The following TBC1D9 variants were observed in gnomAD, a reference collection of about 807,000 sequenced individuals.
The protein encoded by TBC1D9 is TBC1 domain family member 9A.
TBC1D9 carries 63 observed loss-of-function variants against 132.0 expected under a neutral mutation model. The ratio of observed to expected loss-of-function variants is 0.48; its 90% CI spans 0.39 to 0.59. The LOEUF (loss-of-function observed/expected upper bound fraction) is 0.59, where lower values mean the gene tolerates loss of function less well. Among genes scored for constraint, TBC1D9 ranks in the 20% least tolerant of loss-of-function variants. The pLI, the probability that TBC1D9 is intolerant of heterozygous loss-of-function variation, is 0.00. For missense variants in TBC1D9, 1,261 were observed against 1,592.7 expected (o/e 0.79, Z 3.54); for synonymous variants, 610 against 609.9 (o/e 1.00, Z 0.00).
In TBC1D9 at chr4:140,639,094, G is replaced by C; in HGVS notation, c.2497C>G (p.Leu833Val). Reference protein sequence around the residue: ...TIDELEELYALFKAEHLTSCY... With the variant: ...TIDELEELYAVFKAEHLTSCY... ...TTTACCTTGCAACTCACCTTGAAAA[G>C]AGCATAAAGTTCTTCCAGCTCATCA... The change falls in exon 15 of 21, where the codon CTT (leucine) becomes GTT (valine). Residue 833 changes from leucine (L) to valine (V), a missense_variant. By Grantham distance (32) the Leu-to-Val change is conservative. This residue lies in a region of TBC1D9 where 618 missense variants were observed against 724.4 expected (regional missense o/e 0.85). Transcript: ENST00000442267. 6.3e-7 allele frequency: 1 copy of C among 1,589,272 alleles called. No homozygotes were observed. Among genetic ancestry groups the C allele is most frequent in the Non-Finnish European group, 8.6e-7 (1 of 1,166,600 alleles).
intron 3 of TBC1D9, among the ~76,000 whole-genome samples, chr4:140,685,572 T>C (rs960315079): frequency 1.3e-5 from 2 of 152,144 alleles, no homozygotes; most frequent in Non-Finnish European, 1.5e-5. Flanking sequence ...TGCAATGTCT[T>C]CCTAGATAAT....
intron 13 of TBC1D9, 65 bp from the exon 14 acceptor site, chr4:140,639,493 G>T (rs1736945737): frequency 1.8e-6 from 2 of 1,134,776 alleles, no homozygotes; most frequent in Non-Finnish European, 2.6e-6. Context: ...CCTGTCTGCA[G>T]AATGCCTGCA....
chr4:140,693,731 C>T (rs1416915113), intron 2 of TBC1D9, among the ~76,000 whole-genome samples: 1 of 152,226 alleles, frequency 6.6e-6, no homozygotes, highest in Non-Finnish European at 1.5e-5. Flanking sequence ...GCCCAACTAA[C>T]ATACATTTAG....
At chr4:140,647,240 C>A (rs1160028095) in intron 13 of TBC1D9, among the ~76,000 whole-genome samples, 1 of 152,186 alleles carries the variant, frequency 6.6e-6, no homozygotes, top group African/African-American at 2.4e-5. Context: ...TAGACTGCTA[C>A]CTCTGTTTTG....
Position 140,677,078 on chromosome 4 carries a change from C to G in TBC1D9, c.875G>C (p.Ser292Thr). The G allele has an allele frequency of 6.2e-7, 1 of 1,613,908 alleles. No homozygotes were observed. Among genetic ancestry groups the G allele is most frequent in the Non-Finnish European group, 8.5e-7 (1 of 1,179,872 alleles). ...CCGGAAAAGTGCACGGTATCTCTCA[C>G]TCTTTGCCCTGGCATCAAGATCACT... is the stretch of plus-strand genomic sequence containing the variant. The part of the protein sequence containing the change: ...LKRDLDARAK[S>T]ERYRALFRLP... The change falls in exon 6 of 21, where the codon AGT (serine) becomes ACT (threonine). Residue 292 changes from serine to threonine, a missense_variant. Physicochemically the swap from Ser to Thr is moderately conservative, Grantham distance 58 (BLOSUM62 1). Around this residue, in one of 3 missense-constraint regions of TBC1D9, gnomAD observed 550 missense variants for 699.0 expected, o/e 0.79. Transcript: ENST00000442267.
At chr4:140,641,901 G>A (rs966270893) in intron 13 of TBC1D9, 6 of 390,634 alleles carry the variant, frequency 1.5e-5, no homozygotes, top group East Asian at 5.4e-5. Flanking sequence ...TCGCTCACTC[G>A]CAGGCACTCT....
chr4:140,629,183 G>C (rs1204615535), intron 16 of TBC1D9, among the ~76,000 whole-genome samples: 2 of 152,140 alleles, frequency 1.3e-5, no homozygotes, highest in Non-Finnish European at 2.9e-5. Flanking sequence ...CTCAAAGATG[G>C]GGAACTCAAT....
intron 10 of TBC1D9, among the ~76,000 whole-genome samples, chr4:140,660,990 T>C (rs547285599): frequency 6.6e-5 from 10 of 152,060 alleles, no homozygotes; most frequent in African/African-American, 1.7e-4. Context: ...TCTCAGCTCA[T>C]TGCAAGCTCC....
At chr4:140,647,075 CT>C (rs1737114956) in intron 13 of TBC1D9, among the ~76,000 whole-genome samples, 2 of 152,164 alleles carry the variant, frequency 1.3e-5, no homozygotes. Flanking sequence ...TGATGAAGAA[CT>C]GGATTTATTA....
intron 1 of TBC1D9, among the ~76,000 whole-genome samples, chr4:140,709,115 C>T (rs1316425768): frequency 1.3e-5 from 2 of 151,924 alleles, no homozygotes. Context: ...CAACTCTTTC[C>T]TCTCAATTTC....
At chr4:140,722,402 A>G (rs1486594391) in intron 1 of TBC1D9, among the ~76,000 whole-genome samples, 1 of 152,198 alleles carries the variant, frequency 6.6e-6, no homozygotes, top group Non-Finnish European at 1.5e-5. Context: ...TAAAGCCAGC[A>G]CCATAAATAT....
At chr4:140,624,456 T>C (rs1736674837) in intron 18 of TBC1D9, 68 bp from the exon 19 acceptor site, 2 of 1,394,466 alleles carry the variant, frequency 1.4e-6, no homozygotes, top group Non-Finnish European at 2.0e-6. Flanking sequence ...TTAGCATTTG[T>C]AGTGGAAAAT....
At chr4:140,737,095 T>C (rs989189891) in intron 1 of TBC1D9, among the ~76,000 whole-genome samples, 2 of 152,204 alleles carry the variant, frequency 1.3e-5, no homozygotes, top group Non-Finnish European at 2.9e-5. Flanking sequence ...GCCCACAATC[T>C]AGATCCCTTG....
At chr4:140,638,440 G>A (rs1348333922) in intron 15 of TBC1D9, among the ~76,000 whole-genome samples, 1 of 150,984 alleles carries the variant, frequency 6.6e-6, no homozygotes, top group Non-Finnish European at 1.5e-5. Context: ...TTGGGAGGTC[G>A]AGGTGGAGGT....
intron 1 of TBC1D9, among the ~76,000 whole-genome samples, chr4:140,713,915 TG>T (rs1738289727): frequency 6.6e-6 from 1 of 152,210 alleles, no homozygotes; most frequent in South Asian, 2.1e-4. Flanking sequence ...ATAGGATCAA[TG>T]AAACATTAAA....
chr4:140,687,726 G>C (rs2111026804), intron 2 of TBC1D9, among the ~76,000 whole-genome samples: 1 of 152,150 alleles, frequency 6.6e-6, no homozygotes, highest in African/African-American at 2.4e-5. Context: ...AAACCCACAT[G>C]TACTTTCTTT....
intron 13 of TBC1D9, among the ~76,000 whole-genome samples, chr4:140,648,657 A>T (rs978288661): frequency 1.3e-5 from 2 of 152,064 alleles, no homozygotes; most frequent in African/African-American, 4.8e-5. Context: ...AAGTACTGAG[A>T]TTATAGATGT....
chr4:140,670,763 G>T lies in TBC1D9; in HGVS notation c.1223C>A (p.Ser408Tyr). 1 of 1,613,978 alleles carries T rather than the reference G, an allele frequency of 6.2e-7. No individual in the cohort carries two copies. The highest frequency in any genetic ancestry group is 8.5e-7 in the Non-Finnish European group (1 of 1,179,884). ...GTAACTTCCTGCAAACTCCTTGTCA[G>T]AATATATTTTGGAAGTAGTCTGTTG... is the stretch of plus-strand genomic sequence containing the variant. The part of the protein sequence containing the change: ...FLQQTTSKIY[S>Y]DKEFAGSYNS... The change falls in exon 7 of 21, where the codon TCT (serine) becomes TAT (tyrosine). Residue 408 changes from serine (S) to tyrosine (Y), a missense_variant. Physicochemically the swap from Ser to Tyr is moderately radical, Grantham distance 144. This residue lies in a region of TBC1D9 where 550 missense variants were observed against 699.0 expected (regional missense o/e 0.79). Transcript: ENST00000442267.
chr4:140,624,141 G>A lies in TBC1D9; in HGVS notation c.3053C>T (p.Ala1018Val). The change falls in exon 20 of 21, where the codon GCA (alanine) becomes GTA (valine). Residue 1018 changes from alanine (A) to valine (V), a missense_variant. Coordinates refer to ENST00000442267, the MANE Select transcript of TBC1D9 (RefSeq NM_015130.3). Reference sequence around the variant, plus strand: ...CTGATTTAATTTGGGTAAATCCTTTGCATTCTTTGACTTAGATTTATTTTC... The same window carrying A: ...CTGATTTAATTTGGGTAAATCCTTTACATTCTTTGACTTAGATTTATTTTC... ...TPENKSKSKN[A>V]KDLPKLNQGQ... 1.2e-6 allele frequency: 2 copies of A among 1,609,650 alleles called. No homozygotes were observed. Among genetic ancestry groups the A allele is most frequent in the Non-Finnish European group, 1.7e-6 (2 of 1,177,490 alleles).
Sources: allele counts gnomAD v4.1 joint callset (sites outside exome capture counted in the v4.1 genomes callset), GRCh38; gene constraint gnomAD v4.1.1; regional missense constraint gnomAD v4.1.1; transcripts MANE v1.5; gene names NCBI Gene and HGNC (gene_info 2026-07-23, HGNC 2026-07-21).